HSPA9: variants seen among roughly 807,000 people sequenced by gnomAD.
HSPA9 encodes the protein heat shock protein family A (Hsp70) member 9, also known as stress-70 protein, mitochondrial.
A neutral mutation model predicts 81.5 loss-of-function variants in HSPA9; 28 were observed. That is an observed-to-expected ratio of 0.34 (90% CI 0.25 to 0.47). HSPA9 has a LOEUF of 0.47. Ranked by LOEUF, HSPA9 falls within the 20% of genes least tolerant of loss-of-function variation. HSPA9 has a pLI of 1.00. For synonymous variants in HSPA9, 293 were observed against 290.4 expected, an observed-to-expected ratio of 1.01 and a Z score of -0.09; for missense variants, 678 against 838.0, an observed-to-expected ratio of 0.81 and a Z score of 2.36.
At chr5:138,556,900 C>A (rs1340754247) in intron 14 of HSPA9, 34 bp from the exon 15 acceptor site, 1 of 1,473,754 alleles carries the variant, frequency 6.8e-7, no homozygotes, top group South Asian at 1.1e-5. Context: ...CGAAGACTTT[C>A]CAATCAACCA....
intron 14 of HSPA9, 131 bp downstream of exon 14, chr5:138,557,271 G>A (rs1198319442): frequency 9.5e-6 from 7 of 733,224 alleles, no homozygotes; most frequent in African/African-American, 3.5e-5. Context: ...GGCTTCAAAC[G>A]ATCTGCCCAC....
At position 138,554,614 on chromosome 5, in the gene HSPA9, A is replaced by G. The variant is rs1750481232; in HGVS notation, c.*1423T>C. Among the ~76,000 whole-genome samples, 1 of 152,276 alleles carries G rather than the reference A, an allele frequency of 6.6e-6. No individual in the cohort carries two copies. The highest frequency in any genetic ancestry group is 2.1e-4 in the South Asian group (1 of 4,834). On this transcript the variant is annotated 3_prime_UTR_variant, in exon 17 of 17. Transcript: ENST00000297185. ...TATACTGATTTTTGGAAATACAGTA[A>G]TCTCATTTCTACATATTACAAAACA... is the stretch of plus-strand genomic sequence containing the variant.
At chr5:138,563,390 C>CGTG (rs1359235905) in intron 9 of HSPA9, among the ~76,000 whole-genome samples, 1 of 152,176 alleles carries the variant, frequency 6.6e-6, no homozygotes, top group Non-Finnish European at 1.5e-5. Context: ...TGAAAATCTC[C>CGTG]AGCACTAACT....
intron 5 of HSPA9, among the ~76,000 whole-genome samples, chr5:138,568,422 G>A (rs763408224): frequency 6.6e-6 from 1 of 152,030 alleles, no homozygotes; most frequent in Non-Finnish European, 1.5e-5. Flanking sequence ...CAGGATAATC[G>A]CTTGAACCCG....
chr5:138,559,391 C>T lies in HSPA9; in HGVS notation c.1410+473G>A, dbSNP rs572350831. Among the ~76,000 whole-genome samples the T allele has an allele frequency of 3.0e-4, 45 of 152,286 alleles. No individual in the cohort carries two copies. The East Asian group carries it at 7.3e-3, about 25-fold the overall frequency. On this transcript the variant is annotated intron_variant, in intron 11 of 16. Coordinates refer to ENST00000297185, the MANE Select transcript of HSPA9 (RefSeq NM_004134.7). ...GTGCTGGGATTACAGGCATGAGCCA[C>T]GGTGCCCAGCCAGAAATAATTCCTA... is the stretch of plus-strand genomic sequence containing the variant.
rs762960867 is a variant in HSPA9, at chr5:138,556,013, C to G, written c.*24G>C. The G allele has an allele frequency of 6.4e-7, 1 of 1,562,834 alleles. No individual in the cohort carries two copies. Among genetic ancestry groups the G allele is most frequent in the Non-Finnish European group, 8.8e-7 (1 of 1,133,718 alleles). The stretch of plus-strand genomic sequence containing the variant: ...CTCCTAAGCTTCATATGTTGTCCTT[C>G]TGGCTTCAAAATTTCTGCTATTATT... On this transcript the variant is annotated 3_prime_UTR_variant, in exon 17 of 17. Coordinates refer to ENST00000297185, the MANE Select transcript of HSPA9 (RefSeq NM_004134.7).
At chr5:138,562,217 G>A (rs1276400139) in intron 9 of HSPA9, among the ~76,000 whole-genome samples, 6 of 150,642 alleles carry the variant, frequency 4.0e-5, no homozygotes, top group African/African-American at 7.3e-5. Context: ...GATTACAGGC[G>A]TGAGCCACCC....
At position 138,560,037 on chromosome 5, in the gene HSPA9, G is replaced by C; in HGVS notation, c.1237C>G (p.Pro413Ala). ...GCTCCAATGGCCACAGCCTCATCAG[G>C]ATTGACAGCTTTACTTGGGGCTCTG... ...FGRAPSKAVNPDEAVAIGAAI... is the reference protein window; with the variant it reads ...FGRAPSKAVNADEAVAIGAAI... The change falls in exon 11 of 17, where the codon CCT becomes GCT. Residue 413 changes from proline (P) to alanine (A), a missense_variant. Pro to Ala is a conservative substitution (Grantham distance 27, BLOSUM62 -1). Around this residue, in one of 4 missense-constraint regions of HSPA9, gnomAD observed 484 missense variants for 647.5 expected, o/e 0.75. Transcript: ENST00000297185. 6.2e-7 allele frequency: 1 copy of C among 1,614,140 alleles called. No individual in the cohort carries two copies. The highest frequency in any genetic ancestry group is 8.5e-7 in the Non-Finnish European group (1 of 1,180,018).
intron 3 of HSPA9, among the ~76,000 whole-genome samples, chr5:138,572,176 C>T (rs1750919629): frequency 6.6e-6 from 1 of 151,996 alleles, no homozygotes; most frequent in African/African-American, 2.4e-5. Flanking sequence ...CTTCAACTCC[C>T]ACACTCAAGT....
intron 9 of HSPA9, among the ~76,000 whole-genome samples, chr5:138,564,322 T>C (rs1750717179): frequency 6.6e-6 from 1 of 152,254 alleles, no homozygotes. Flanking sequence ...GAGGCTGGTC[T>C]GGAACTCCTG....
intron 2 of HSPA9, 35 bp from the exon 3 acceptor site, chr5:138,573,885 T>C: frequency 6.5e-7 from 1 of 1,536,344 alleles, no homozygotes; most frequent in Non-Finnish European, 9.0e-7. Context: ...ACAGCTATTG[T>C]TATCTTGATA....
At chr5:138,564,469 C>T (rs1750721214) in intron 9 of HSPA9, among the ~76,000 whole-genome samples, 1 of 152,212 alleles carries the variant, frequency 6.6e-6, no homozygotes, top group Non-Finnish European at 1.5e-5. Flanking sequence ...GCATTCACAG[C>T]TCACTGCAGC....
chr5:138,572,897 C>CT (rs1237596933), intron 3 of HSPA9, among the ~76,000 whole-genome samples: 2 of 151,168 alleles, frequency 1.3e-5, no homozygotes, highest in African/African-American at 2.4e-5. Context: ...TCTATAGTCT[C>CT]TTCTTTTTTT....
chr5:138,574,933 C>T, intron 1 of HSPA9: 1 of 512,108 alleles, frequency 2.0e-6, no homozygotes, highest in Non-Finnish European at 3.5e-6. Context: ...TAGACTGCAT[C>T]CCTCACCCCC....
At chr5:138,565,734 A>C (rs544216594) in intron 9 of HSPA9, among the ~76,000 whole-genome samples, 1 of 152,228 alleles carries the variant, frequency 6.6e-6, no homozygotes, top group South Asian at 2.1e-4. Flanking sequence ...TCATTTTTTG[A>C]CACAGGGTCT....
intron 1 of HSPA9, chr5:138,574,940 C>G: frequency 1.9e-6 from 1 of 531,278 alleles, no homozygotes; most frequent in Non-Finnish European, 3.3e-6. Context: ...CATCCCTCAC[C>G]CCCAAGGCCA....
intron 5 of HSPA9, among the ~76,000 whole-genome samples, chr5:138,568,180 T>A (rs1280026581): frequency 2.7e-5 from 4 of 150,082 alleles, no homozygotes; most frequent in Non-Finnish European, 5.9e-5. Context: ...GCGAGACTCT[T>A]GTCTCAAAAC....
intron 11 of HSPA9, chr5:138,559,611 A>C (rs256003): frequency 0.047 from 21,423 of 455,580 alleles, 679 homozygotes; most frequent in African/African-American, 0.1. Context: ...AATTATGTTA[A>C]TCCTGTGGAG....
chr5:138,566,682 G>A lies in HSPA9; in HGVS notation c.916C>T (p.Gln306Ter), dbSNP rs1481587917. The A allele has an allele frequency of 6.2e-7, 1 of 1,614,022 alleles. No individual in the cohort carries two copies. The highest frequency in any genetic ancestry group is 8.5e-7 in the Non-Finnish European group (1 of 1,179,920). ...VDLTKDNMALQRVREAAEKAK... is the reference protein window; with the variant it reads ...VDLTKDNMAL ...TTTTCAGCAGCTTCCCGTACCCTCT[G>A]AAGTGCCATGTTGTCTTTAGTCAAA... Residue 306 changes from glutamine to a stop codon, truncating the protein, a stop_gained, in exon 9 of 17, where the codon CAG becomes TAG. Coordinates refer to ENST00000297185, the MANE Select transcript of HSPA9 (RefSeq NM_004134.7). LOFTEE classifies it high-confidence loss of function.
Sources: allele counts gnomAD v4.1 joint callset (sites outside exome capture counted in the v4.1 genomes callset), GRCh38; gene constraint gnomAD v4.1.1; regional missense constraint gnomAD v4.1.1; transcripts MANE v1.5; gene names NCBI Gene and HGNC (gene_info 2026-07-23, HGNC 2026-07-21).